Variants in ITPR2 observed in about 807,000 individuals in gnomAD.
ITPR2 encodes inositol 1,4,5-trisphosphate-gated calcium channel ITPR2.
ITPR2 carries 207 observed loss-of-function variants against 317.1 expected under a neutral mutation model. The observed-to-expected ratio is 0.65, with a 90% CI of 0.58 to 0.73. The LOEUF is 0.73. ITPR2 is among the 30% of genes least tolerant of loss of function. ITPR2 has a pLI of 0.00. For synonymous variants in ITPR2, 1,156 were observed against 1,149.1 expected (o/e 1.01, Z -0.12); for missense variants, 2,613 against 3,284.0 (o/e 0.80, Z 4.99).
chr12:26,733,715 G>A (rs1949066496), intron 2 of ITPR2, among the ~76,000 whole-genome samples: 1 of 152,140 alleles, frequency 6.6e-6, no homozygotes, highest in African/African-American at 2.4e-5. Context: ...TTGTATTCTT[G>A]TCAAGGTTTG....
At chr12:26,480,697 A>G (rs10842739) in intron 43 of ITPR2, among the ~76,000 whole-genome samples, 122,975 of 151,640 alleles carry the variant, frequency 0.81, 50,936 homozygotes, top group Non-Finnish European at 0.9. Context: ...AAAATTAGCC[A>G]GGCATGGTGG....
intron 2 of ITPR2, among the ~76,000 whole-genome samples, chr12:26,784,616 T>C (rs1329093485): frequency 6.6e-6 from 1 of 151,620 alleles, no homozygotes; most frequent in Non-Finnish European, 1.5e-5. Context: ...GGTGCCGGGA[T>C]TGCAGACGGA....
chr12:26,432,923 G>A (rs1035799960), intron 48 of ITPR2, among the ~76,000 whole-genome samples: 4 of 152,052 alleles, frequency 2.6e-5, no homozygotes, highest in African/African-American at 7.2e-5. Flanking sequence ...CTTCACAGTG[G>A]CCCTAGCATA....
chr12:26,474,662 C>T (rs1235474879), intron 45 of ITPR2, among the ~76,000 whole-genome samples: 4 of 150,664 alleles, frequency 2.7e-5, no homozygotes, highest in South Asian at 2.1e-4. Context: ...GGCGTAGTGG[C>T]GGGCGCCTGT....
intron 1 of ITPR2, among the ~76,000 whole-genome samples, chr12:26,824,746 A>C (rs1038717823): frequency 5.3e-5 from 8 of 152,198 alleles, no homozygotes; most frequent in African/African-American, 1.9e-4. Context: ...CTACATACTC[A>C]CCATAAAGGG....
At chr12:26,434,056 T>C (rs1941289070) in intron 48 of ITPR2, among the ~76,000 whole-genome samples, 1 of 152,186 alleles carries the variant, frequency 6.6e-6, no homozygotes. Context: ...TGGATACATA[T>C]ATAAAGTATT....
At chr12:26,399,414 G>C (rs561741662) in intron 53 of ITPR2, among the ~76,000 whole-genome samples, 1 of 152,354 alleles carries the variant, frequency 6.6e-6, no homozygotes, top group South Asian at 2.1e-4. Flanking sequence ...GAGCTAAGGA[G>C]GACCTAATGA....
intron 35 of ITPR2, among the ~76,000 whole-genome samples, chr12:26,560,024 C>T (rs1944770964): frequency 6.6e-6 from 1 of 152,024 alleles, no homozygotes; most frequent in Non-Finnish European, 1.5e-5. Flanking sequence ...GAGCATAGAC[C>T]CCATGGCTCT....
chr12:26,467,375 T>G (rs1029521213), intron 45 of ITPR2, among the ~76,000 whole-genome samples: 1 of 140,614 alleles, frequency 7.1e-6, no homozygotes, highest in African/African-American at 2.7e-5. Context: ...CTCTCTCTCT[T>G]TCTCTTTCTC....
intron 26 of ITPR2, among the ~76,000 whole-genome samples, chr12:26,609,961 A>T (rs1946226057): frequency 6.6e-6 from 1 of 152,222 alleles, no homozygotes; most frequent in Non-Finnish European, 1.5e-5. Context: ...AGACATAAGT[A>T]TGGGAATATG....
intron 25 of ITPR2, among the ~76,000 whole-genome samples, chr12:26,621,775 G>A (rs891114686): frequency 7.9e-5 from 12 of 152,020 alleles, no homozygotes; most frequent in African/African-American, 2.4e-4. Context: ...AAGCACTTAC[G>A]TATTACTAAT....
chr12:26,569,761 C>A (rs1334358757), intron 34 of ITPR2, among the ~76,000 whole-genome samples: 3 of 152,058 alleles, frequency 2.0e-5, no homozygotes, highest in Non-Finnish European at 2.9e-5. Context: ...GAGAAACACA[C>A]ATTAAAACTA....
chr12:26,798,584 T>C (rs1950497949), intron 1 of ITPR2, among the ~76,000 whole-genome samples: 1 of 152,264 alleles, frequency 6.6e-6, no homozygotes. Flanking sequence ...TGCTATTTAG[T>C]AATATGCACA....
At chr12:26,496,965 A>G (rs1172783069) in intron 37 of ITPR2, among the ~76,000 whole-genome samples, 1 of 151,020 alleles carries the variant, frequency 6.6e-6, no homozygotes, top group Admixed American at 6.6e-5. Flanking sequence ...AAAGAAGATC[A>G]CACCCATTTT....
intron 36 of ITPR2, among the ~76,000 whole-genome samples, chr12:26,554,239 C>T (rs1026633275): frequency 6.6e-6 from 1 of 152,202 alleles, no homozygotes; most frequent in African/African-American, 2.4e-5. Context: ...ATTTGTGCTG[C>T]CAAATTTGGT....
At chr12:26,593,690 C>A (rs1945762091) in intron 32 of ITPR2, among the ~76,000 whole-genome samples, 1 of 151,464 alleles carries the variant, frequency 6.6e-6, no homozygotes. Context: ...TAATAAATAA[C>A]ATTAATTATC....
intron 21 of ITPR2, among the ~76,000 whole-genome samples, chr12:26,647,671 G>A (rs1361114431): frequency 2.0e-5 from 3 of 152,224 alleles, no homozygotes; most frequent in African/African-American, 7.2e-5. Context: ...TAAAATCACT[G>A]AGAGCAAATC....
chr12:26,696,742 C>T (rs1948359442), intron 9 of ITPR2, among the ~76,000 whole-genome samples: 1 of 152,122 alleles, frequency 6.6e-6, no homozygotes, highest in Non-Finnish European at 1.5e-5. Context: ...AGCTAGTGGC[C>T]ACGTAAACAA....
At chr12:26,649,845 C>T in intron 21 of ITPR2, among the ~76,000 whole-genome samples, 1 of 151,286 alleles carries the variant, frequency 6.6e-6, no homozygotes, top group Admixed American at 6.6e-5. Context: ...AGATAGATAA[C>T]CTGGCTGTTT....
Sources: allele counts gnomAD v4.1 joint callset (sites outside exome capture counted in the v4.1 genomes callset), GRCh38; gene constraint gnomAD v4.1.1; transcripts MANE v1.5; gene names NCBI Gene and HGNC (gene_info 2026-07-23, HGNC 2026-07-21).